The following MKX variants were observed in gnomAD, a reference collection of about 807,000 sequenced individuals.
MKX encodes the protein homeobox protein Mohawk.
A neutral mutation model predicts 36.0 loss-of-function variants in MKX; 13 were observed. That is an observed-to-expected ratio of 0.36 (90% CI 0.24 to 0.57). The LOEUF is 0.57. Ranked by LOEUF, MKX falls within the 20% of genes least tolerant of loss-of-function variation. The pLI is 0.79. For synonymous variants in MKX, 176 were observed against 178.3 expected (o/e 0.99, Z 0.10); for missense variants, 458 against 456.4 (o/e 1.00, Z -0.03).
chr10:27,741,729 T>C lies in MKX; in HGVS notation c.189-225A>G, dbSNP rs536794287. Among the ~76,000 whole-genome samples the C allele has an allele frequency of 2.0e-5, 3 of 152,340 alleles. No homozygotes were observed. In the South Asian group the frequency reaches 6.2e-4, roughly 32 times the overall value. ...GGTTTATCTTGAATAGGGGGATACCTTGAACCCAATACCCCAAGGTTAGAG... is the reference window on the plus strand; with the variant it reads ...GGTTTATCTTGAATAGGGGGATACCCTGAACCCAATACCCCAAGGTTAGAG... On this transcript the variant is annotated intron_variant, in intron 2 of 6. Transcript: ENST00000419761. This position sits in a 1 kb window ranked among gnomAD's most constrained non-coding sequence, Gnocchi z 5.1.
chr10:27,711,171 G>A (rs1190892885), intron 5 of MKX, among the ~76,000 whole-genome samples: 1 of 152,100 alleles, frequency 6.6e-6, no homozygotes, highest in African/African-American at 2.4e-5. Context: ...TAAATCCCAG[G>A]CAACAGTGCT....
At chr10:27,737,509 C>A (rs984535582) in intron 3 of MKX, among the ~76,000 whole-genome samples, 9 of 152,056 alleles carry the variant, frequency 5.9e-5, no homozygotes, top group African/African-American at 2.2e-4. Context: ...AACTTTGAAT[C>A]CTTCATCTCT....
chr10:27,700,320 G>C (rs1222398080), intron 5 of MKX, among the ~76,000 whole-genome samples: 1 of 152,128 alleles, frequency 6.6e-6, no homozygotes, highest in African/African-American at 2.4e-5. Flanking sequence ...TAAACAAACT[G>C]TCACTTAAAC....
intron 5 of MKX, among the ~76,000 whole-genome samples, chr10:27,696,300 C>T (rs778956200): frequency 3.6e-4 from 55 of 152,164 alleles, no homozygotes; most frequent in Non-Finnish European, 6.6e-4. Context: ...TTGGTACTCT[C>T]GTGAAAATTA....
chr10:27,685,527 C>CAA (rs1353324380), intron 5 of MKX, among the ~76,000 whole-genome samples: 1 of 150,732 alleles, frequency 6.6e-6, no homozygotes, highest in Admixed American at 6.6e-5. Flanking sequence ...CGGCTCACTG[C>CAA]AAGCTCCGCC....
intron 5 of MKX, among the ~76,000 whole-genome samples, chr10:27,728,054 G>T (rs1180661474): frequency 6.6e-6 from 1 of 152,142 alleles, no homozygotes; most frequent in Non-Finnish European, 1.5e-5. Flanking sequence ...AATGTCACTC[G>T]CTGGACTGGT....
intron 5 of MKX, among the ~76,000 whole-genome samples, chr10:27,726,109 T>C (rs1385310057): frequency 6.6e-6 from 1 of 152,174 alleles, no homozygotes; most frequent in Non-Finnish European, 1.5e-5. Context: ...GAAAGTCAAT[T>C]ATGATCAATT....
At chr10:27,712,330 C>T (rs1011071193) in intron 5 of MKX, among the ~76,000 whole-genome samples, 1 of 152,132 alleles carries the variant, frequency 6.6e-6, no homozygotes, top group African/African-American at 2.4e-5. Flanking sequence ...CATTTAATGT[C>T]CCAAACGCCT....
At chr10:27,689,930 C>T (rs576165101) in intron 5 of MKX, among the ~76,000 whole-genome samples, 25 of 152,276 alleles carry the variant, frequency 1.6e-4, no homozygotes, top group South Asian at 6.2e-4. Context: ...TCTTGCTAAC[C>T]GGAAGCATCT....
intron 5 of MKX, among the ~76,000 whole-genome samples, chr10:27,721,812 A>T (rs1383952178): frequency 6.6e-6 from 1 of 152,204 alleles, no homozygotes; most frequent in African/African-American, 2.4e-5. Flanking sequence ...TCATGCTATT[A>T]ATATATGTTT....
chr10:27,722,390 A>T lies in MKX; in HGVS notation c.838+12066T>A, dbSNP rs192456487. Among the ~76,000 whole-genome samples, 11 of 152,304 alleles carry T rather than the reference A, an allele frequency of 7.2e-5. No individual in the cohort carries two copies. The East Asian group carries it at 1.7e-3, about 24-fold the overall frequency. ...GTGCATTTAGCTATGACTTTCTATA[A>T]ACTGTGGGCTTCCTTGTCTCTCTGT... On this transcript the variant is annotated intron_variant, in intron 5 of 6. Transcript: ENST00000419761.
At chr10:27,737,299 T>C (rs1411186021) in intron 3 of MKX, among the ~76,000 whole-genome samples, 1 of 152,186 alleles carries the variant, frequency 6.6e-6, no homozygotes, top group African/African-American at 2.4e-5. Flanking sequence ...TTCCATTCTG[T>C]TCTCTTAAAT....
chr10:27,723,049 T>C (rs112002950), intron 5 of MKX, among the ~76,000 whole-genome samples: 96 of 152,320 alleles, frequency 6.3e-4, no homozygotes, highest in African/African-American at 2.0e-3. Flanking sequence ...ATTTTACTGC[T>C]TCAATCATAG....
At chr10:27,720,074 G>A (rs1281201935) in intron 5 of MKX, among the ~76,000 whole-genome samples, 1 of 151,476 alleles carries the variant, frequency 6.6e-6, no homozygotes, top group African/African-American at 2.4e-5. Context: ...TAATCTAGAA[G>A]ATAAAGCTAA....
In MKX at chr10:27,723,243, G is replaced by C. The variant is rs145536802; in HGVS notation, c.838+11213C>G. Among the ~76,000 whole-genome samples the C allele has an allele frequency of 1.2e-3, 189 of 152,156 alleles. 1 individual carries two copies. Among genetic ancestry groups the C allele is most frequent in the African/African-American group, 4.2e-3 (174 of 41,520 alleles). On this transcript the variant is annotated intron_variant, in intron 5 of 6. Transcript: ENST00000419761. Reference sequence around the variant, plus strand: ...AGTTAGATAAGCTAGAGTCCCCATGGGTTGCTGCATAAATATGAATTAGTG... The same window carrying C: ...AGTTAGATAAGCTAGAGTCCCCATGCGTTGCTGCATAAATATGAATTAGTG...
rs1375176332 is a variant in MKX at position 27,742,845 on chromosome 10, T to G, written c.188+383A>C. Among the ~76,000 whole-genome samples the G allele has an allele frequency of 6.6e-6, 1 of 152,138 alleles. No individual in the cohort carries two copies. The highest frequency in any genetic ancestry group is 1.9e-4 in the East Asian group (1 of 5,146). ...GGAGCCTGAGCCTGGACTCCCCGAC[T>G]GCTCGGCTTCGCCTGTTTCTCTGCA... is the stretch of plus-strand genomic sequence containing the variant. On this transcript the variant is annotated intron_variant, in intron 2 of 6. Coordinates refer to ENST00000419761, the MANE Select transcript of MKX (RefSeq NM_173576.3). The surrounding 1 kb of genome is among the most constrained non-coding windows in gnomAD (Gnocchi z 4.2).
intron 5 of MKX, among the ~76,000 whole-genome samples, chr10:27,717,038 G>A (rs1434589454): frequency 1.3e-5 from 2 of 152,158 alleles, no homozygotes; most frequent in Non-Finnish European, 2.9e-5. Flanking sequence ...ACATGTGGGT[G>A]TTGGTTTGAA....
chr10:27,743,327 T>TA lies in MKX; in HGVS notation c.88dup (p.Tyr30LeufsTer65). The TA allele has an allele frequency of 6.3e-7, 1 of 1,585,552 alleles. No individual in the cohort carries two copies. Among genetic ancestry groups the TA allele is most frequent in the Non-Finnish European group, 8.6e-7 (1 of 1,168,658 alleles). ...GTGAGGACTGTCCAGGACACCGCTGTAGGGCCGGCCACCCCGCTCCCGCTC... is the reference window on the plus strand; with the variant it reads ...GTGAGGACTGTCCAGGACACCGCTGTAAGGGCCGGCCACCCCGCTCCCGCTC... On this transcript the variant is annotated frameshift_variant, in exon 2 of 7. Transcript: ENST00000419761. LOFTEE classifies it high-confidence loss of function.
At chr10:27,733,909 A>G (rs1834690271) in intron 5 of MKX, among the ~76,000 whole-genome samples, 1 of 152,226 alleles carries the variant, frequency 6.6e-6, no homozygotes, top group African/African-American at 2.4e-5. Context: ...TTCCAGAGCA[A>G]TGGAAGCCAG....
Sources: allele counts gnomAD v4.1 joint callset (sites outside exome capture counted in the v4.1 genomes callset), GRCh38; gene constraint gnomAD v4.1.1; non-coding constraint Gnocchi (gnomAD v3.1); transcripts MANE v1.5; gene names NCBI Gene and HGNC (gene_info 2026-07-23, HGNC 2026-07-21).